GCNT2: variants seen among roughly 807,000 people sequenced by gnomAD.
The protein encoded by GCNT2 is N-acetyllactosaminide beta-1,6-N-acetylglucosaminyl-transferase.
Under a neutral mutation model 34.2 loss-of-function variants are expected in GCNT2, and 34 were observed. The observed-to-expected ratio is 1.00, with a 90% CI of 0.76 to 1.32. The LOEUF (loss-of-function observed/expected upper bound fraction) is 1.32, where lower values mean the gene tolerates loss of function less well. Ranked by LOEUF, GCNT2 falls within the 40% of genes most tolerant of loss-of-function variation. The pLI is 0.00. For synonymous variants in GCNT2, 212 were observed against 188.0 expected, an observed-to-expected ratio of 1.13 and a Z score of -1.04; for missense variants, 584 against 489.4, an observed-to-expected ratio of 1.19 and a Z score of -1.82.
Position 10,576,150 on chromosome 6 carries a change from G to A in GCNT2, c.926-45201G>A, listed in dbSNP as rs144250987. Among the ~76,000 whole-genome samples, 975 of 152,250 alleles carry A rather than the reference G, an allele frequency of 6.4e-3. 8 individuals are homozygous for A. Among genetic ancestry groups the A allele is most frequent in the African/African-American group, 0.022 (915 of 41,536 alleles). ...CTCCCAAAGTGCTGGAATTACAGGC[G>A]TGAGCCACCACGCCCTGCCACATTT... is the stretch of plus-strand genomic sequence containing the variant. On this transcript the variant is annotated intron_variant, in intron 3 of 4. Coordinates refer to ENST00000495262, the MANE Select transcript of GCNT2 (RefSeq NM_145649.5).
intron 3 of GCNT2, among the ~76,000 whole-genome samples, chr6:10,580,146 G>C (rs1378082830): frequency 6.6e-6 from 1 of 152,240 alleles, no homozygotes; most frequent in Non-Finnish European, 1.5e-5. Flanking sequence ...AGGGCCAAAT[G>C]CCATCCTTAG....
intron 3 of GCNT2, among the ~76,000 whole-genome samples, chr6:10,567,006 A>G (rs903566783): frequency 6.6e-6 from 1 of 152,190 alleles, no homozygotes; most frequent in Non-Finnish European, 1.5e-5. Context: ...TCTAGTGCTC[A>G]TTAGAAGAAA....
At chr6:10,530,190 TG>T in intron 3 of GCNT2, 1 of 214,864 alleles carries the variant, frequency 4.7e-6, no homozygotes. Context: ...GGTGAAAACC[TG>T]TATCTACTAA....
chr6:10,564,267 C>T (rs1180326141), intron 3 of GCNT2, among the ~76,000 whole-genome samples: 1 of 152,116 alleles, frequency 6.6e-6, no homozygotes, highest in Non-Finnish European at 1.5e-5. Flanking sequence ...TGCCCTGTTC[C>T]AAAAGCAGGA....
intron 3 of GCNT2, among the ~76,000 whole-genome samples, chr6:10,531,479 T>C (rs940278982): frequency 6.6e-6 from 1 of 152,188 alleles, no homozygotes; most frequent in Non-Finnish European, 1.5e-5. Context: ...GTTTCCCTCC[T>C]TGGGGCAAGA....
At chr6:10,522,118 C>T (rs915643688) in intron 1 of GCNT2, among the ~76,000 whole-genome samples, 5 of 152,052 alleles carry the variant, frequency 3.3e-5, no homozygotes, top group African/African-American at 1.2e-4. Context: ...AAACTCCTGA[C>T]TCCATGTGAT....
chr6:10,621,522 A>C, intron 4 of GCNT2, 79 bp downstream of exon 4: 33 of 875,300 alleles, frequency 3.8e-5, no homozygotes, highest in Non-Finnish European at 5.2e-5. Flanking sequence ...CAGGGTTCTC[A>C]TGGAGAGAGA....
intron 3 of GCNT2, among the ~76,000 whole-genome samples, chr6:10,582,305 AATATATAGTAATATTAAATATAAT>A (rs1400680423): frequency 5.8e-4 from 63 of 109,288 alleles, no homozygotes; most frequent in African/African-American, 3.0e-3. Context: ...CTATATATTT[AATATATAGTAATATTAAATATAAT>A]ATATACTATA....
chr6:10,543,819 G>A (rs1762144574), intron 3 of GCNT2, among the ~76,000 whole-genome samples: 1 of 152,104 alleles, frequency 6.6e-6, no homozygotes, highest in South Asian at 2.1e-4. Flanking sequence ...ACTGAGATAT[G>A]GAGTCTGTAT....
At chr6:10,571,786 C>T (rs1028052935) in intron 3 of GCNT2, among the ~76,000 whole-genome samples, 3 of 152,180 alleles carry the variant, frequency 2.0e-5, no homozygotes, top group Non-Finnish European at 2.9e-5. Context: ...GTAAAGCCAT[C>T]CCATGAATAT....
intron 3 of GCNT2, among the ~76,000 whole-genome samples, chr6:10,545,300 T>G (rs1238563335): frequency 6.6e-6 from 1 of 152,178 alleles, no homozygotes; most frequent in Non-Finnish European, 1.5e-5. Flanking sequence ...GATCTCCATT[T>G]TTGTGGGTGC....
At chr6:10,569,957 T>C (rs1446038748) in intron 3 of GCNT2, among the ~76,000 whole-genome samples, 1 of 150,874 alleles carries the variant, frequency 6.6e-6, no homozygotes, top group African/African-American at 2.4e-5. Flanking sequence ...TCTTCCTTCC[T>C]TCCTTCCTTT....
At chr6:10,551,526 A>G (rs1469401535) in intron 3 of GCNT2, among the ~76,000 whole-genome samples, 1 of 151,348 alleles carries the variant, frequency 6.6e-6, no homozygotes, top group Non-Finnish European at 1.5e-5. Flanking sequence ...GCTCACAGCA[A>G]CGTTCGCCTC....
At chr6:10,558,983 T>C (rs894054202) in intron 3 of GCNT2, among the ~76,000 whole-genome samples, 9 of 152,176 alleles carry the variant, frequency 5.9e-5, no homozygotes, top group African/African-American at 1.9e-4. Flanking sequence ...TCCTTAAAAT[T>C]CATAAAAGTT....
At chr6:10,526,429 G>A (rs369761444) in intron 1 of GCNT2, among the ~76,000 whole-genome samples, 13 of 152,090 alleles carry the variant, frequency 8.5e-5, no homozygotes, top group East Asian at 5.8e-4. Context: ...CTGGGTTAGC[G>A]GAAAAATCAA....
At chr6:10,531,606 C>G (rs1027050830) in intron 3 of GCNT2, among the ~76,000 whole-genome samples, 4 of 152,174 alleles carry the variant, frequency 2.6e-5, no homozygotes, top group African/African-American at 9.7e-5. Context: ...GCTTAGAATT[C>G]TCTTTAAGTC....
At chr6:10,584,206 A>C (rs1764241260) in intron 3 of GCNT2, among the ~76,000 whole-genome samples, 1 of 152,160 alleles carries the variant, frequency 6.6e-6, no homozygotes, top group South Asian at 2.1e-4. Context: ...GCAGAAAAAC[A>C]TGTGAGTAAA....
chr6:10,577,303 C>T (rs1280629114), intron 3 of GCNT2, among the ~76,000 whole-genome samples: 1 of 152,222 alleles, frequency 6.6e-6, no homozygotes, highest in Non-Finnish European at 1.5e-5. Context: ...CCTCCCGCGG[C>T]TCCTGGAGTT....
intron 3 of GCNT2, among the ~76,000 whole-genome samples, chr6:10,538,437 A>AAAATATATATATATATAT (rs1554127249): frequency 5.5e-5 from 4 of 73,342 alleles, no homozygotes; most frequent in African/African-American, 4.8e-4. Flanking sequence ...AAAAAAAAAA[A>AAAATATATATATATATAT]ATATATATAT....
Sources: allele counts gnomAD v4.1 joint callset (sites outside exome capture counted in the v4.1 genomes callset), GRCh38; gene constraint gnomAD v4.1.1; transcripts MANE v1.5; gene names NCBI Gene and HGNC (gene_info 2026-07-23, HGNC 2026-07-21).